IQCM: variants seen among roughly 807,000 people sequenced by gnomAD.
The protein encoded by IQCM is IQ motif containing M.
IQCM carries 45 observed loss-of-function variants against 57.6 expected under a neutral mutation model. The ratio of observed to expected loss-of-function variants is 0.78; its 90% CI spans 0.62 to 1.00. The LOEUF is 1.00. Ranked by LOEUF, IQCM falls within the 50% of genes least tolerant of loss-of-function variation. IQCM has a pLI of 0.00. For synonymous variants in IQCM, 148 were observed against 158.9 expected (o/e 0.93, Z 0.51); for missense variants, 468 against 511.6 (o/e 0.91, Z 0.82).
chr4:149,673,192 C>T (rs1467532722), intron 7 of IQCM, among the ~76,000 whole-genome samples: 1 of 152,044 alleles, frequency 6.6e-6, no homozygotes, highest in East Asian at 1.9e-4. Context: ...AAAAGACCAT[C>T]GATGCTAGGA....
chr4:149,456,822 G>C (rs1360089053), intron 12 of IQCM, among the ~76,000 whole-genome samples: 1 of 152,026 alleles, frequency 6.6e-6, no homozygotes, highest in Non-Finnish European at 1.5e-5. Flanking sequence ...ATATGCCAAA[G>C]TACGTTAATT....
At chr4:149,587,381 C>T (rs563355316) in intron 9 of IQCM, among the ~76,000 whole-genome samples, 1 of 151,756 alleles carries the variant, frequency 6.6e-6, no homozygotes, top group African/African-American at 2.4e-5. Context: ...AAAATCTGCC[C>T]TTTTCGAAAC....
intron 9 of IQCM, among the ~76,000 whole-genome samples, chr4:149,577,356 T>C (rs1751755800): frequency 6.6e-6 from 1 of 151,992 alleles, no homozygotes; most frequent in Admixed American, 6.6e-5. Context: ...GAATTTTTTA[T>C]ACTTTTAGGT....
chr4:149,808,164 C>T (rs534667805), intron 2 of IQCM, among the ~76,000 whole-genome samples: 2 of 152,198 alleles, frequency 1.3e-5, no homozygotes, highest in Admixed American at 1.3e-4. Context: ...ATGGAATCAA[C>T]CTAAGTGCTC....
At chr4:149,662,135 T>C (rs1328841033) in intron 7 of IQCM, among the ~76,000 whole-genome samples, 1 of 152,066 alleles carries the variant, frequency 6.6e-6, no homozygotes, top group Admixed American at 6.6e-5. Context: ...TTTGGTATGA[T>C]GTGTTTTCAT....
chr4:149,372,409 T>G (rs115258678), intron 13 of IQCM, among the ~76,000 whole-genome samples: 2,787 of 152,222 alleles, frequency 0.018, 36 homozygotes, highest in African/African-American at 0.025. Flanking sequence ...GGGATGTGCC[T>G]GCTAAACCCA....
intron 8 of IQCM, among the ~76,000 whole-genome samples, chr4:149,589,795 CA>C (rs1380736288): frequency 6.6e-6 from 1 of 151,908 alleles, no homozygotes; most frequent in African/African-American, 2.4e-5. Context: ...AATGTATGTA[CA>C]ACACGTAAAT....
chr4:149,805,837 C>G (rs1436589510), intron 2 of IQCM, among the ~76,000 whole-genome samples: 1 of 151,858 alleles, frequency 6.6e-6, no homozygotes, highest in African/African-American at 2.4e-5. Flanking sequence ...GGTCTTTAGT[C>G]TGTCAAAATT....
intron 12 of IQCM, among the ~76,000 whole-genome samples, chr4:149,534,490 C>T (rs1004947221): frequency 6.6e-6 from 1 of 152,116 alleles, no homozygotes; most frequent in Admixed American, 6.6e-5. Flanking sequence ...ATATGAAAAT[C>T]ATGTCCTCTA....
chr4:149,617,373 A>G (rs1755888810), intron 8 of IQCM, among the ~76,000 whole-genome samples: 1 of 152,184 alleles, frequency 6.6e-6, no homozygotes, highest in African/African-American at 2.4e-5. Context: ...TTACTAAAAC[A>G]TCCATTTAGA....
chr4:149,399,023 C>A (rs552667327), intron 13 of IQCM, among the ~76,000 whole-genome samples: 2 of 152,258 alleles, frequency 1.3e-5, no homozygotes, highest in South Asian at 4.1e-4. Context: ...GCATGAGCAA[C>A]CGTGCCTGGT....
chr4:149,546,969 C>G (rs960290420), intron 12 of IQCM, among the ~76,000 whole-genome samples: 34 of 152,156 alleles, frequency 2.2e-4, no homozygotes, highest in African/African-American at 7.7e-4. Flanking sequence ...ACATTTAAGT[C>G]TTTAATCCAT....
chr4:149,813,283 TC>T (rs1318578644), intron 2 of IQCM, among the ~76,000 whole-genome samples: 2 of 152,140 alleles, frequency 1.3e-5, no homozygotes, highest in Non-Finnish European at 2.9e-5. Flanking sequence ...CAAAGGTACA[TC>T]TTGAATAGGG....
At chr4:149,437,949 C>A in intron 12 of IQCM, among the ~76,000 whole-genome samples, 1 of 152,000 alleles carries the variant, frequency 6.6e-6, no homozygotes, top group Non-Finnish European at 1.5e-5. Flanking sequence ...ACGTACCCGC[C>A]CCTTCACACA....
intron 2 of IQCM, among the ~76,000 whole-genome samples, chr4:149,798,724 A>G (rs1449474139): frequency 2.0e-5 from 3 of 152,088 alleles, no homozygotes; most frequent in Non-Finnish European, 4.4e-5. Context: ...ATAAATTTCA[A>G]GACAAAACCA....
intron 7 of IQCM, among the ~76,000 whole-genome samples, chr4:149,661,113 T>C (rs985634623): frequency 2.6e-5 from 4 of 152,126 alleles, no homozygotes; most frequent in Non-Finnish European, 5.9e-5. Context: ...TGGCCTTTAT[T>C]GAGTTGAGGT....
chr4:149,568,351 T>C (rs1750832221), intron 9 of IQCM, among the ~76,000 whole-genome samples: 1 of 152,190 alleles, frequency 6.6e-6, no homozygotes, highest in Non-Finnish European at 1.5e-5. Context: ...AGACTCATGA[T>C]CCTTGACCTT....
intron 9 of IQCM, among the ~76,000 whole-genome samples, chr4:149,580,473 C>G (rs1455571884): frequency 1.3e-5 from 2 of 151,706 alleles, no homozygotes; most frequent in African/African-American, 4.8e-5. Flanking sequence ...TCATGCTAAA[C>G]TCATTTTCTT....
intron 13 of IQCM, among the ~76,000 whole-genome samples, chr4:149,393,485 TA>T (rs1185152673): frequency 6.6e-6 from 1 of 151,844 alleles, no homozygotes; most frequent in East Asian, 1.9e-4. Flanking sequence ...TAAAATATTC[TA>T]AAAAATAGTG....
Sources: allele counts gnomAD v4.1 joint callset (sites outside exome capture counted in the v4.1 genomes callset), GRCh38; gene constraint gnomAD v4.1.1; transcripts MANE v1.5; gene names NCBI Gene and HGNC (gene_info 2026-07-23, HGNC 2026-07-21).